The following GABRB3 variants were observed in gnomAD, a reference collection of about 807,000 sequenced individuals.
GABRB3 encodes gamma-aminobutyric acid receptor subunit beta-3.
GABRB3 carries 14 observed loss-of-function variants against 52.1 expected under a neutral mutation model. That is an observed-to-expected ratio of 0.27 (90% CI 0.18 to 0.42). The LOEUF is 0.42. Ranked by LOEUF, GABRB3 falls within the 10% of genes least tolerant of loss-of-function variation. GABRB3 has a pLI of 1.00. For missense variants in GABRB3, 307 were observed against 609.1 expected, an observed-to-expected ratio of 0.50 and a Z score of 5.22; for synonymous variants, 260 against 232.3, an observed-to-expected ratio of 1.12 and a Z score of -1.08.
intron 3 of GABRB3, among the ~76,000 whole-genome samples, chr15:26,713,866 A>G (rs953129931): frequency 1.6e-4 from 24 of 152,166 alleles, no homozygotes; most frequent in Non-Finnish European, 3.5e-4. Flanking sequence ...GAAGAGACCC[A>G]AGAAGGAAGC....
chr15:26,566,095 A>C (rs951643593), intron 7 of GABRB3, among the ~76,000 whole-genome samples: 4 of 152,200 alleles, frequency 2.6e-5, no homozygotes, highest in Non-Finnish European at 5.9e-5. Context: ...ATTACTGGGG[A>C]AGATCTGCAG....
At chr15:26,622,205 G>A (rs1415659970) in intron 3 of GABRB3, among the ~76,000 whole-genome samples, 1 of 152,120 alleles carries the variant, frequency 6.6e-6, no homozygotes, top group Non-Finnish European at 1.5e-5. Context: ...TGGGAGGTGG[G>A]AGACAGACAG....
chr15:26,605,934 C>T (rs965598926), intron 4 of GABRB3, among the ~76,000 whole-genome samples: 1 of 152,092 alleles, frequency 6.6e-6, no homozygotes, highest in African/African-American at 2.4e-5. Context: ...AGGAAACATA[C>T]AACACAGCGG....
At chr15:26,604,965 A>G (rs990042666) in intron 4 of GABRB3, among the ~76,000 whole-genome samples, 2 of 152,176 alleles carry the variant, frequency 1.3e-5, no homozygotes, top group African/African-American at 4.8e-5. Flanking sequence ...GAAACAATCA[A>G]CAAAGTAACA....
intron 3 of GABRB3, chr15:26,642,400 G>T: frequency 9.5e-7 from 1 of 1,047,886 alleles, no homozygotes; most frequent in Non-Finnish European, 1.3e-6. Context: ...TGAATATACT[G>T]AGGGGCAACT....
intron 4 of GABRB3, chr15:26,590,377 C>T (rs1891150204): frequency 6.6e-6 from 1 of 152,156 alleles, no homozygotes; most frequent in African/African-American, 2.4e-5. Flanking sequence ...CGGGTTAGCA[C>T]CACAGCCAAG....
chr15:26,745,118 G>T (rs374578965), intron 3 of GABRB3, among the ~76,000 whole-genome samples: 7 of 152,148 alleles, frequency 4.6e-5, no homozygotes, highest in Non-Finnish European at 8.8e-5. Flanking sequence ...ACCAGATCTC[G>T]TGAGAACTCA....
At chr15:26,656,909 T>C (rs1258741013) in intron 3 of GABRB3, 1 of 152,234 alleles carries the variant, frequency 6.6e-6, no homozygotes, top group Non-Finnish European at 1.5e-5. Flanking sequence ...CAGGAAATGA[T>C]GTTTCAAATA....
intron 3 of GABRB3, among the ~76,000 whole-genome samples, chr15:26,703,284 A>G (rs1319679577): frequency 6.6e-6 from 1 of 152,184 alleles, no homozygotes; most frequent in East Asian, 1.9e-4. Context: ...GTATCTTCAC[A>G]CAGTGGAAGG....
chr15:26,745,630 T>A (rs1047367860), intron 3 of GABRB3, among the ~76,000 whole-genome samples: 1 of 152,220 alleles, frequency 6.6e-6, no homozygotes, highest in African/African-American at 2.4e-5. Flanking sequence ...ACACCCCTCC[T>A]CCACTGGCCT....
intron 3 of GABRB3, among the ~76,000 whole-genome samples, chr15:26,762,144 T>C (rs1321788952): frequency 2.0e-5 from 3 of 152,202 alleles, no homozygotes; most frequent in Non-Finnish European, 2.9e-5. Context: ...CTTTATCATT[T>C]ATTCTTATAA....
In GABRB3 at chr15:26,567,740, GAA is replaced by G. The variant is rs1890232405; in HGVS notation, c.683-9_683-8del. 9 of 1,613,516 alleles carry G rather than the reference GAA, an allele frequency of 5.6e-6. No individual in the cohort carries two copies. The Admixed American group carries it at 1.3e-4, about 24-fold the overall frequency. On this transcript the variant is annotated splice_polypyrimidine_tract_variant and splice_region_variant and intron_variant, in intron 6 of 8. Coordinates refer to ENST00000311550, the MANE Select transcript of GABRB3 (RefSeq NM_000814.6). ...GACAGTCGAGGATAGGCACCTATGG[GAA>G]ACAGACAAGGATATTACACTGGAGA...
At chr15:26,630,612 A>G (rs1334815650) in intron 3 of GABRB3, among the ~76,000 whole-genome samples, 5 of 152,178 alleles carry the variant, frequency 3.3e-5, no homozygotes, top group Non-Finnish European at 7.3e-5. Context: ...TAAAAACAGA[A>G]CCTTTCTTTA....
rs568912931 is a variant in GABRB3, at chr15:26,681,298, A to G, written c.241-59764T>C. The stretch of plus-strand genomic sequence containing the variant: ...CTTCCTCAGGGAGAAAATCAATGCA[A>G]GTTTCTAAATGCCTATTACTTTCCC... On this transcript the variant is annotated intron_variant, in intron 3 of 8. Coordinates refer to ENST00000311550, the MANE Select transcript of GABRB3 (RefSeq NM_000814.6). 3.9e-5 allele frequency among the ~76,000 whole-genome samples: 6 copies of G among 152,312 alleles called. No individual in the cohort carries two copies. In the East Asian group the frequency reaches 1.2e-3, roughly 29 times the overall value.
chr15:26,729,406 G>A (rs943955952), intron 3 of GABRB3, among the ~76,000 whole-genome samples: 1 of 152,052 alleles, frequency 6.6e-6, no homozygotes, highest in Admixed American at 6.6e-5. Context: ...GGAGGACTCT[G>A]GTGCCTTTAC....
At chr15:26,555,317 T>G (rs1028107614) in intron 8 of GABRB3, among the ~76,000 whole-genome samples, 1 of 152,062 alleles carries the variant, frequency 6.6e-6, no homozygotes, top group African/African-American at 2.4e-5. Context: ...GGAAGGGGAA[T>G]GGGTCATCAT....
chr15:26,610,289 C>T (rs1215484065), intron 4 of GABRB3, among the ~76,000 whole-genome samples: 1 of 152,100 alleles, frequency 6.6e-6, no homozygotes, highest in African/African-American at 2.4e-5. Context: ...GACTGATCTC[C>T]CATGTCCTCA....
chr15:26,678,449 C>G (rs911221744), intron 3 of GABRB3, among the ~76,000 whole-genome samples: 1 of 152,090 alleles, frequency 6.6e-6, no homozygotes, highest in Non-Finnish European at 1.5e-5. Context: ...GCCCAGGCCC[C>G]GTGCTCTTCC....
intron 3 of GABRB3, among the ~76,000 whole-genome samples, chr15:26,629,649 G>T (rs1005030853): frequency 3.3e-5 from 5 of 152,088 alleles, no homozygotes; most frequent in Non-Finnish European, 7.4e-5. Flanking sequence ...ACCGAAGGTG[G>T]TAACACTCCA....
Sources: gnomAD v4.1 joint callset for allele counts (sites outside exome capture counted in the v4.1 genomes callset) on GRCh38, gnomAD v4.1.1 for gene constraint, MANE v1.5 for transcripts, NCBI Gene and HGNC (gene_info 2026-07-23, HGNC 2026-07-21) for gene names.